ZNF248: variants seen among roughly 807,000 people sequenced by gnomAD.
The protein encoded by ZNF248 is zinc finger protein 248.
ZNF248 carries 20 observed loss-of-function variants against 44.3 expected under a neutral mutation model. The ratio of observed to expected loss-of-function variants is 0.45; its 90% CI spans 0.32 to 0.66. The LOEUF is 0.66. Among genes scored for constraint, ZNF248 ranks in the 30% least tolerant of loss-of-function variants. ZNF248 has a pLI of 0.04. For synonymous variants in ZNF248, 224 were observed against 229.0 expected, an observed-to-expected ratio of 0.98 and a Z score of 0.20; for missense variants, 654 against 677.0, an observed-to-expected ratio of 0.97 and a Z score of 0.38.
chr10:37,763,212 C>G, the ZNF248 span, among the ~76,000 whole-genome samples: 1 of 152,162 alleles, frequency 6.6e-6, no homozygotes, highest in Non-Finnish European at 1.5e-5. Context: ...TTACACAGCT[C>G]TCCATATTTA....
intron 6 of ZNF248, among the ~76,000 whole-genome samples, chr10:37,784,959 G>A (rs757984433): frequency 1.3e-5 from 2 of 152,098 alleles, no homozygotes; most frequent in East Asian, 3.8e-4. Context: ...TACAATTTGC[G>A]TCTCCTGCCG....
At chr10:37,844,874 GACTTTA>G (rs1554850956) in intron 3 of ZNF248, among the ~76,000 whole-genome samples, 1 of 145,166 alleles carries the variant, frequency 6.9e-6, no homozygotes, top group Non-Finnish European at 1.5e-5. Context: ...TCTTAGAAAC[GACTTTA>G]ACTATTTCCT....
At chr10:37,780,296 T>C (rs2047126187) in intron 6 of ZNF248, among the ~76,000 whole-genome samples, 2 of 152,158 alleles carry the variant, frequency 1.3e-5, no homozygotes, top group Admixed American at 1.3e-4. Flanking sequence ...CAAAACAGCA[T>C]GGTACTGGTA....
At chr10:37,767,402 C>A in the ZNF248 span, among the ~76,000 whole-genome samples, 1 of 152,162 alleles carries the variant, frequency 6.6e-6, no homozygotes, top group Non-Finnish European at 1.5e-5. Flanking sequence ...CAAAGGGAAG[C>A]CCATCAGACT....
the ZNF248 span, among the ~76,000 whole-genome samples, chr10:37,764,919 T>G: frequency 6.6e-6 from 1 of 152,280 alleles, no homozygotes; most frequent in East Asian, 1.9e-4. Context: ...GAATCTGCAC[T>G]AGTTTATGTG....
intron 6 of ZNF248, among the ~76,000 whole-genome samples, chr10:37,778,101 G>A (rs1322534630): frequency 6.6e-6 from 1 of 152,114 alleles, no homozygotes; most frequent in Non-Finnish European, 1.5e-5. Flanking sequence ...GATCCCTGAG[G>A]AATCGCCACA....
downstream of ZNF248, among the ~76,000 whole-genome samples, chr10:37,771,968 G>A (rs1175976554): frequency 6.6e-6 from 1 of 152,084 alleles, no homozygotes; most frequent in African/African-American, 2.4e-5. Context: ...TTGCAAAAAT[G>A]ATTAAAAGGT....
intron 1 of ZNF248, 71 bp from the exon 2 acceptor site, chr10:37,856,603 C>G (rs1590072415): frequency 2.7e-6 from 3 of 1,093,092 alleles, no homozygotes; most frequent in Admixed American, 1.0e-4. Context: ...AAGGAAAAAA[C>G]ACTATGGGTT....
intron 6 of ZNF248, among the ~76,000 whole-genome samples, chr10:37,816,154 G>C (rs76759301): frequency 0.02 from 3,043 of 152,122 alleles, 101 homozygotes; most frequent in African/African-American, 0.068. Context: ...GCCAAGGAAG[G>C]GGGGATGAAG....
In ZNF248 at chr10:37,831,782, A is replaced by G; in HGVS notation, c.1573T>C (p.Cys525Arg). Residue 525 changes from cysteine (C) to arginine (R), a missense_variant, in exon 6 of 6, where the codon TGT becomes CGT. Cys to Arg is a radical substitution (Grantham distance 180). Coordinates refer to ENST00000395867, the MANE Select transcript of ZNF248 (RefSeq NM_021045.3). Reference sequence around the variant, plus strand: ...GATTTTTCACAGAAGGTTTTCCCACATTCATTACACTTATATGGTTTCTCC... The same window carrying G: ...GATTTTTCACAGAAGGTTTTCCCACGTTCATTACACTTATATGGTTTCTCC... The part of the protein sequence containing the change: ...TGEKPYKCNE[C>R]GKTFCEKSAL... 1 of 1,613,094 alleles carries G rather than the reference A, an allele frequency of 6.2e-7. No individual in the cohort carries two copies. Among genetic ancestry groups the G allele is most frequent in the Non-Finnish European group, 8.5e-7 (1 of 1,179,198 alleles).
intron 6 of ZNF248, among the ~76,000 whole-genome samples, chr10:37,804,377 T>C (rs150314783): frequency 5.9e-5 from 9 of 152,224 alleles, no homozygotes; most frequent in African/African-American, 1.7e-4. Flanking sequence ...AACATAGTTA[T>C]ATATTATTAA....
At chr10:37,835,981 A>G (rs1192792606) in intron 5 of ZNF248, among the ~76,000 whole-genome samples, 1 of 152,180 alleles carries the variant, frequency 6.6e-6, no homozygotes, top group Admixed American at 6.5e-5. Flanking sequence ...TAACTCCCTT[A>G]TATGTCTCCT....
chr10:37,832,730 T>A lies in ZNF248; in HGVS notation c.625A>T (p.Ser209Cys), dbSNP rs541657203. The A allele has an allele frequency of 6.2e-7, 1 of 1,613,702 alleles. No homozygotes were observed. Among genetic ancestry groups the A allele is most frequent in the South Asian group, 1.1e-5 (1 of 91,080 alleles). The part of the protein sequence containing the change: ...INYHQDLSQP[S>C]FGQSFEYSKN... The stretch of plus-strand genomic sequence containing the variant: ...CTATACTCAAAAGATTGGCCAAAAC[T>A]TGGCTGACTGAGATCCTGGTGATAA... Residue 209 changes from serine (S) to cysteine (C), a missense_variant, in exon 6 of 6, where the codon AGT becomes TGT. Physicochemically the swap from Ser to Cys is moderately radical, Grantham distance 112. Transcript: ENST00000395867.
intron 6 of ZNF248, chr10:37,820,069 T>C (rs1231717720): frequency 3.6e-6 from 3 of 834,736 alleles, no homozygotes; most frequent in Admixed American, 3.4e-5. Flanking sequence ...TTAATCATCC[T>C]TGTATCTCTG....
chr10:37,826,213 A>G (rs531277317), downstream of ZNF248, among the ~76,000 whole-genome samples: 21 of 152,322 alleles, frequency 1.4e-4, no homozygotes, highest in African/African-American at 4.8e-4. Context: ...ACACTGAAAT[A>G]TAAGAAGTAA....
intron 6 of ZNF248, chr10:37,820,324 T>C: frequency 7.1e-7 from 1 of 1,398,728 alleles, no homozygotes; most frequent in Non-Finnish European, 1.0e-6. Flanking sequence ...GAAACAGAAG[T>C]GAAGCACAGG....
chr10:37,767,148 T>C, the ZNF248 span, among the ~76,000 whole-genome samples: 2 of 152,144 alleles, frequency 1.3e-5, no homozygotes, highest in African/African-American at 4.8e-5. Context: ...CTACATCTGA[T>C]TGGTGTACCT....
chr10:37,764,184 T>C, the ZNF248 span, among the ~76,000 whole-genome samples: 2 of 152,142 alleles, frequency 1.3e-5, no homozygotes, highest in Non-Finnish European at 2.9e-5. Flanking sequence ...AGAGAATGCA[T>C]TCCTAGGGGG....
downstream of ZNF248, among the ~76,000 whole-genome samples, chr10:37,827,076 G>A (rs564642876): frequency 6.6e-6 from 1 of 152,330 alleles, no homozygotes; most frequent in East Asian, 1.9e-4. Context: ...CATCAGCATA[G>A]GGGAATCTAG....
Sources: gnomAD v4.1 joint callset for allele counts (sites outside exome capture counted in the v4.1 genomes callset) on GRCh38, gnomAD v4.1.1 for gene constraint, MANE v1.5 for transcripts, NCBI Gene and HGNC (gene_info 2026-07-23, HGNC 2026-07-21) for gene names.